The following FAM110B variants were observed in gnomAD, a reference collection of about 807,000 sequenced individuals.
FAM110B encodes the protein family with sequence similarity 110 member B.
In FAM110B, 6 loss-of-function variants were observed where a neutral mutation model predicts 20.4. The observed-to-expected ratio is 0.29, with a 90% confidence interval of 0.16 to 0.58. The LOEUF (loss-of-function observed/expected upper bound fraction) is 0.58, where lower values mean the gene tolerates loss of function less well. Among genes scored for constraint, FAM110B ranks in the 20% least tolerant of loss-of-function variants. FAM110B has a pLI of 0.90. For missense variants in FAM110B, 434 were observed against 498.2 expected, an observed-to-expected ratio of 0.87 and a Z score of 1.23; for synonymous variants, 226 against 214.1, an observed-to-expected ratio of 1.06 and a Z score of -0.49.
chr8:58,034,192 T>C (rs937125246), intron 2 of FAM110B, among the ~76,000 whole-genome samples: 1 of 152,192 alleles, frequency 6.6e-6, no homozygotes, highest in Non-Finnish European at 1.5e-5. Flanking sequence ...GACCAAGGCT[T>C]GTTATCCTGG....
At chr8:58,135,785 A>C (rs1803596283) in intron 3 of FAM110B, among the ~76,000 whole-genome samples, 1 of 151,956 alleles carries the variant, frequency 6.6e-6, no homozygotes, top group African/African-American at 2.4e-5. Flanking sequence ...ACCAGTACTC[A>C]CCCTCTCCTC....
intron 2 of FAM110B, among the ~76,000 whole-genome samples, chr8:58,062,829 A>G (rs1274154866): frequency 6.6e-6 from 1 of 152,242 alleles, no homozygotes; most frequent in African/African-American, 2.4e-5. Flanking sequence ...GAATCTGGCC[A>G]TATCTTCCAA....
intron 2 of FAM110B, among the ~76,000 whole-genome samples, chr8:58,048,871 CT>C (rs928329937): frequency 1.1e-4 from 17 of 152,132 alleles, no homozygotes; most frequent in Non-Finnish European, 1.0e-4. Flanking sequence ...TTGAAAACAG[CT>C]TGTGTGAGTA....
chr8:58,136,235 C>T (rs1007869569), intron 3 of FAM110B, among the ~76,000 whole-genome samples: 1 of 152,072 alleles, frequency 6.6e-6, no homozygotes, highest in Non-Finnish European at 1.5e-5. Context: ...TGGTCTCGAT[C>T]TCCTGACCTC....
intron 3 of FAM110B, among the ~76,000 whole-genome samples, chr8:58,100,688 C>T (rs1806757724): frequency 1.3e-5 from 2 of 152,182 alleles, no homozygotes; most frequent in Admixed American, 1.3e-4. Flanking sequence ...TTTATAAGGA[C>T]ACCAGTCTTA....
At chr8:58,027,200 A>G (rs925839991) in intron 1 of FAM110B, among the ~76,000 whole-genome samples, 2 of 152,232 alleles carry the variant, frequency 1.3e-5, no homozygotes, top group African/African-American at 4.8e-5. Flanking sequence ...AATCTATTGT[A>G]AGGTCACAAC....
intron 1 of FAM110B, among the ~76,000 whole-genome samples, chr8:58,031,122 A>G (rs986709313): frequency 5.9e-4 from 90 of 152,224 alleles, no homozygotes; most frequent in African/African-American, 2.1e-3. Flanking sequence ...TCTGAACTGC[A>G]TTTGGAGGAC....
chr8:58,033,113 T>G (rs936903799), intron 2 of FAM110B, among the ~76,000 whole-genome samples: 19 of 152,180 alleles, frequency 1.2e-4, no homozygotes, highest in Admixed American at 6.5e-5. Context: ...TTTATATCCA[T>G]GTGTACTCAA....
At chr8:58,115,581 A>G (rs1807187134) in intron 3 of FAM110B, among the ~76,000 whole-genome samples, 1 of 151,924 alleles carries the variant, frequency 6.6e-6, no homozygotes, top group Non-Finnish European at 1.5e-5. Flanking sequence ...TTTAGTAGAG[A>G]TGGGGTTTCA....
intron 3 of FAM110B, among the ~76,000 whole-genome samples, chr8:58,131,169 T>C (rs1160577484): frequency 6.6e-6 from 1 of 152,226 alleles, no homozygotes; most frequent in Non-Finnish European, 1.5e-5. Context: ...TTCTCTGGGT[T>C]CAAATTTTTG....
intron 3 of FAM110B, among the ~76,000 whole-genome samples, chr8:58,085,237 G>C (rs1370401666): frequency 2.6e-5 from 4 of 152,202 alleles, no homozygotes; most frequent in African/African-American, 7.2e-5. Context: ...ATGTAGGCAG[G>C]CATGGTGGCC....
chr8:58,120,123 A>G (rs180732105), intron 3 of FAM110B, among the ~76,000 whole-genome samples: 3 of 152,300 alleles, frequency 2.0e-5, no homozygotes, highest in Non-Finnish European at 4.4e-5. Context: ...TATGAACCAC[A>G]TGGCTGGAGC....
At chr8:58,096,357 G>A (rs1806628004) in intron 3 of FAM110B, among the ~76,000 whole-genome samples, 1 of 152,058 alleles carries the variant, frequency 6.6e-6, no homozygotes, top group African/African-American at 2.4e-5. Flanking sequence ...TGTATTTTTA[G>A]TAGTTACAGG....
chr8:58,059,685 C>T (rs1444011459), intron 2 of FAM110B, among the ~76,000 whole-genome samples: 1 of 150,572 alleles, frequency 6.6e-6, no homozygotes, highest in Admixed American at 6.6e-5. Flanking sequence ...TATTTTCTTT[C>T]GTCTAGTTTT....
intron 3 of FAM110B, among the ~76,000 whole-genome samples, chr8:58,131,942 G>A (rs909731214): frequency 6.6e-5 from 10 of 152,182 alleles, no homozygotes; most frequent in African/African-American, 1.2e-4. Context: ...AGGATCTGTC[G>A]CCAGAGATGG....
intron 3 of FAM110B, among the ~76,000 whole-genome samples, chr8:58,138,376 T>G (rs751326914): frequency 2.6e-5 from 4 of 152,192 alleles, no homozygotes; most frequent in Non-Finnish European, 4.4e-5. Flanking sequence ...GAGCAAACCC[T>G]CATTTTTGTG....
chr8:58,012,310 G>C (rs995033115), intron 1 of FAM110B, among the ~76,000 whole-genome samples: 5 of 151,218 alleles, frequency 3.3e-5, no homozygotes, highest in Non-Finnish European at 5.9e-5. Context: ...AGAAGGTAGG[G>C]TTTAAGATAA....
intron 2 of FAM110B, among the ~76,000 whole-genome samples, chr8:58,056,085 G>A (rs988608397): frequency 4.6e-5 from 7 of 152,196 alleles, no homozygotes; most frequent in African/African-American, 7.2e-5. Flanking sequence ...GCACACAACC[G>A]TGATCATTTG....
intron 3 of FAM110B, among the ~76,000 whole-genome samples, chr8:58,094,462 G>A (rs185635889): frequency 2.3e-3 from 347 of 152,166 alleles, no homozygotes; most frequent in Non-Finnish European, 3.7e-3. Flanking sequence ...GCATGAAGGG[G>A]TATTGAATTT....
Sources: gnomAD v4.1 joint callset for allele counts (sites outside exome capture counted in the v4.1 genomes callset) on GRCh38, gnomAD v4.1.1 for gene constraint, MANE v1.5 for transcripts, NCBI Gene and HGNC (gene_info 2026-07-23, HGNC 2026-07-21) for gene names.